SUGCT: variants seen among roughly 807,000 people sequenced by gnomAD.
SUGCT encodes the protein succinyl-CoA:glutarate-CoA transferase.
A neutral mutation model predicts 55.0 loss-of-function variants in SUGCT; 41 were observed. The ratio of observed to expected loss-of-function variants is 0.74; its 90% CI spans 0.58 to 0.97. The LOEUF is 0.97. SUGCT is among the 50% of genes least tolerant of loss of function. The probability of loss-of-function intolerance (pLI) is 0.00; values close to 1 mark genes in which losing one functional copy is unlikely to be tolerated. For missense variants in SUGCT, 568 were observed against 547.8 expected, an observed-to-expected ratio of 1.04 and a Z score of -0.37; for synonymous variants, 187 against 200.4, an observed-to-expected ratio of 0.93 and a Z score of 0.56.
At chr7:40,178,635 T>C (rs1423247825) in intron 1 of SUGCT, among the ~76,000 whole-genome samples, 1 of 152,108 alleles carries the variant, frequency 6.6e-6, no homozygotes, top group Non-Finnish European at 1.5e-5. Flanking sequence ...ATATCTGACC[T>C]GCTTTTTTCT....
chr7:40,427,862 G>T (rs1361713999), intron 9 of SUGCT, among the ~76,000 whole-genome samples: 1 of 152,178 alleles, frequency 6.6e-6, no homozygotes, highest in Non-Finnish European at 1.5e-5. Context: ...GAATATTCCA[G>T]TGGTTCTTGA....
chr7:40,790,797 T>C (rs1213306904), intron 13 of SUGCT, among the ~76,000 whole-genome samples: 3 of 152,370 alleles, frequency 2.0e-5, no homozygotes, highest in East Asian at 1.9e-4. Flanking sequence ...TTGAGTGTTA[T>C]CTGTTTTAGT....
At chr7:40,495,057 C>T (rs1791894409) in intron 11 of SUGCT, among the ~76,000 whole-genome samples, 1 of 151,820 alleles carries the variant, frequency 6.6e-6, no homozygotes, top group African/African-American at 2.4e-5. Flanking sequence ...ATTACAGGCA[C>T]CCGCCACCAT....
chr7:40,260,986 T>C (rs1320112754), intron 7 of SUGCT, among the ~76,000 whole-genome samples: 4 of 152,178 alleles, frequency 2.6e-5, no homozygotes, highest in African/African-American at 4.8e-5. Context: ...ACTTTTTTTT[T>C]CTATCTCAGT....
At chr7:41,006,215 C>G in the SUGCT span, among the ~76,000 whole-genome samples, 1 of 152,180 alleles carries the variant, frequency 6.6e-6, no homozygotes, top group African/African-American at 2.4e-5. Flanking sequence ...ACCTGATCTC[C>G]CAGAAAGTAT....
chr7:40,670,843 T>TA (rs1205595967), intron 12 of SUGCT, among the ~76,000 whole-genome samples: 8 of 151,588 alleles, frequency 5.3e-5, no homozygotes, highest in African/African-American at 1.2e-4. Flanking sequence ...TTACCAATGT[T>TA]AAAAAAAACA....
chr7:40,477,439 A>G (rs986696623), intron 11 of SUGCT, among the ~76,000 whole-genome samples: 1 of 152,152 alleles, frequency 6.6e-6, no homozygotes, highest in African/African-American at 2.4e-5. Context: ...TATACATGCA[A>G]AAGCGGGTTG....
chr7:40,575,943 CAAAAAA>C (rs766046012), intron 12 of SUGCT, among the ~76,000 whole-genome samples: 24 of 69,704 alleles, frequency 3.4e-4, no homozygotes, highest in African/African-American at 8.9e-4. Flanking sequence ...GACACTGTCT[CAAAAAA>C]AAAAAAAAAA....
chr7:40,898,466 G>A, the SUGCT span, among the ~76,000 whole-genome samples: 4 of 129,832 alleles, frequency 3.1e-5, no homozygotes, highest in Admixed American at 8.0e-5. Flanking sequence ...TGTAATCCCA[G>A]CACTCCGGGA....
chr7:40,901,193 T>C, the SUGCT span, among the ~76,000 whole-genome samples: 3 of 152,186 alleles, frequency 2.0e-5, no homozygotes, highest in African/African-American at 7.2e-5. Flanking sequence ...TTACAAAGGA[T>C]TGGGAAAGTG....
intron 12 of SUGCT, among the ~76,000 whole-genome samples, chr7:40,496,880 T>C (rs1792012255): frequency 1.3e-5 from 2 of 152,186 alleles, no homozygotes; most frequent in African/African-American, 2.4e-5. Context: ...TTTGTTTGCT[T>C]TGATGAATAT....
chr7:40,600,928 A>ACT (rs1469449030), intron 12 of SUGCT, among the ~76,000 whole-genome samples: 1 of 152,160 alleles, frequency 6.6e-6, no homozygotes, highest in African/African-American at 2.4e-5. Flanking sequence ...CTTATGTTCA[A>ACT]CACTATGTTC....
At chr7:40,695,866 G>C (rs1784910756) in intron 12 of SUGCT, among the ~76,000 whole-genome samples, 1 of 152,276 alleles carries the variant, frequency 6.6e-6, no homozygotes, top group East Asian at 1.9e-4. Context: ...AGACTTATCA[G>C]ATGTCCCTGG....
At position 40,518,037 on chromosome 7, in the gene SUGCT, C is replaced by T. The variant is rs528557430; in HGVS notation, c.1089+21651C>T. Among the ~76,000 whole-genome samples, 35 of 152,134 alleles carry T rather than the reference C, an allele frequency of 2.3e-4. No homozygotes were observed. In the South Asian group the frequency reaches 5.4e-3, roughly 23 times the overall value. ...AGAAGGGTAGCACAAGAGAATTTGG[C>T]GGGAGATTGAACTCTTCTATATGGT... On this transcript the variant is annotated intron_variant, in intron 12 of 13. Coordinates refer to ENST00000335693, the MANE Select transcript of SUGCT (RefSeq NM_001193313.2).
At chr7:40,459,039 ACCCACAGGCAGGTACAAGAACTAC>A in intron 10 of SUGCT, 38 bp from the exon 11 acceptor site, 1 of 1,033,028 alleles carries the variant, frequency 9.7e-7, no homozygotes, top group Non-Finnish European at 1.5e-6. Context: ...GAACACTAGC[ACCCACAGGCAGGTACAAGAACTAC>A]CTATTTCTTA....
chr7:41,006,712 A>G, the SUGCT span, among the ~76,000 whole-genome samples: 1 of 152,196 alleles, frequency 6.6e-6, no homozygotes, highest in African/African-American at 2.4e-5. Context: ...TCCAGATATG[A>G]ATGAGCTTAT....
chr7:40,366,042 C>T (rs895277119), intron 9 of SUGCT, among the ~76,000 whole-genome samples: 10 of 152,220 alleles, frequency 6.6e-5, no homozygotes, highest in African/African-American at 2.4e-4. Flanking sequence ...ACCAAAACAG[C>T]ATGGTACTGG....
Position 40,256,014 on chromosome 7 carries a change from C to T in SUGCT, c.576+18288C>T, listed in dbSNP as rs375012715. On this transcript the variant is annotated intron_variant, in intron 7 of 13. Transcript: ENST00000335693. The stretch of plus-strand genomic sequence containing the variant: ...AGCTTTTTATTCCACCATCTTGCTC[C>T]ACCACTCTCCTTGACAGAGTTGGAT... Among the ~76,000 whole-genome samples the T allele has an allele frequency of 6.5e-4, 99 of 152,262 alleles. 2 individuals carry two copies. The South Asian group carries it at 0.02, about 30-fold the overall frequency.
At chr7:40,657,712 T>C (rs889933972) in intron 12 of SUGCT, among the ~76,000 whole-genome samples, 2 of 152,226 alleles carry the variant, frequency 1.3e-5, no homozygotes, top group African/African-American at 4.8e-5. Context: ...TTTTTTGTAT[T>C]TTTAGTGGAG....
Sources: allele counts gnomAD v4.1 joint callset (sites outside exome capture counted in the v4.1 genomes callset), GRCh38; gene constraint gnomAD v4.1.1; transcripts MANE v1.5; gene names NCBI Gene and HGNC (gene_info 2026-07-23, HGNC 2026-07-21).